Variants in TDRD6 observed in about 807,000 individuals in gnomAD.
TDRD6 encodes the protein tudor domain containing 6, also known as tudor domain-containing protein 6.
TDRD6 carries 186 observed loss-of-function variants against 157.5 expected under a neutral mutation model. The observed-to-expected ratio is 1.18, with a 90% confidence interval of 1.05 to 1.33. The LOEUF is 1.33. Ranked by LOEUF, TDRD6 falls within the 40% of genes most tolerant of loss-of-function variation. TDRD6 has a pLI of 0.00. For missense variants in TDRD6, 3,066 were observed against 2,508.0 expected (o/e 1.22, Z -4.75); for synonymous variants, 1,075 against 945.2 (o/e 1.14, Z -2.52).
upstream of TDRD6, among the ~76,000 whole-genome samples, chr6:46,683,523 A>T (rs1469312373): frequency 6.6e-6 from 1 of 152,074 alleles, no homozygotes; most frequent in Non-Finnish European, 1.5e-5. Flanking sequence ...TCTTCAAAAG[A>T]CACTATTTAA....
Position 46,693,972 on chromosome 6 carries a change from T to C in TDRD6, c.5844T>C (p.Ser1948=). 6.2e-7 allele frequency: 1 copy of C among 1,613,716 alleles called. No homozygotes were observed. The highest frequency in any genetic ancestry group is 8.5e-7 in the Non-Finnish European group (1 of 1,179,830). Residue 1948 remains serine, a synonymous_variant, in exon 1 of 4, where the codon TCT becomes TCC. Transcript: ENST00000316081. The part of the protein sequence containing the change: ...EDMRKSSCVE[S]FDDQRRMSLH... The stretch of plus-strand genomic sequence containing the variant: ...TGAGAAAGTCAAGTTGTGTAGAATC[T>C]TTTGATGACCAGCGCAGGATGTCAT...
chr6:46,688,214 C>A lies in TDRD6; in HGVS notation c.86C>A (p.Pro29Gln). The change falls in exon 1 of 4, where the codon CCG becomes CAG. Residue 29 changes from proline (P) to glutamine (Q), a missense_variant. Transcript: ENST00000316081. ...SFVDVHPDVI[P>Q]VQLWGLVGER... ...GTGGACGTGCATCCCGATGTGATCCCGGTGCAGCTGTGGGGGCTGGTGGGC... is the reference window on the plus strand; with the variant it reads ...GTGGACGTGCATCCCGATGTGATCCAGGTGCAGCTGTGGGGGCTGGTGGGC... 1 of 1,541,178 alleles carries A rather than the reference C, an allele frequency of 6.5e-7. No individual in the cohort carries two copies.
At chr6:46,686,936 G>C (rs995783942), upstream of TDRD6, among the ~76,000 whole-genome samples, 2 of 152,202 alleles carry the variant, frequency 1.3e-5, no homozygotes, top group East Asian at 3.8e-4. Context: ...AGTTAGGCCA[G>C]GGTCATTTGA....
At chr6:46,681,455 C>A in the TDRD6 span, 1 of 456,016 alleles carries the variant, frequency 2.2e-6, no homozygotes, top group South Asian at 1.6e-5. Context: ...TTTACCCACT[C>A]AAGTGTTTTA....
rs1416002418 is a variant in TDRD6 at position 46,688,626 on chromosome 6, G to A, written c.498G>A (p.Val166=). 2 of 1,599,174 alleles carry A rather than the reference G, an allele frequency of 1.3e-6. No homozygotes were observed. Among genetic ancestry groups the A allele is most frequent in the Non-Finnish European group, 8.5e-7 (1 of 1,179,844 alleles). ...DFLSNLQGKE[V]HGCVLDVLLL... ...TTAGCAACCTTCAGGGCAAGGAGGTGCACGGGTGCGTCCTGGACGTGCTGC... is the reference window on the plus strand; with the variant it reads ...TTAGCAACCTTCAGGGCAAGGAGGTACACGGGTGCGTCCTGGACGTGCTGC... Residue 166 remains valine (V), a synonymous_variant, in exon 1 of 4, where the codon GTG becomes GTA. Coordinates refer to ENST00000316081, the MANE Select transcript of TDRD6 (RefSeq NM_001010870.3).
chr6:46,685,145 C>T (rs1764061718), upstream of TDRD6, among the ~76,000 whole-genome samples: 1 of 150,770 alleles, frequency 6.6e-6, no homozygotes, highest in Non-Finnish European at 1.5e-5. Context: ...ATTTTTTTTA[C>T]TATTGAGTTT....
Position 46,690,541 on chromosome 6 carries a change from A to G in TDRD6, c.2413A>G (p.Ile805Val), listed in dbSNP as rs146289142. Residue 805 changes from isoleucine (I) to valine (V), a missense_variant, in exon 1 of 4, where the codon ATT (isoleucine) becomes GTT (valine). Transcript: ENST00000316081. ...IQGLKTLMSD[I>V]QYYCKNTAAP... Reference sequence around the variant, plus strand: ...AGGACTTAAAACTCTAATGTCTGATATTCAGTACTATTGCAAAAATACAGC... The same window carrying G: ...AGGACTTAAAACTCTAATGTCTGATGTTCAGTACTATTGCAAAAATACAGC... 6 of 1,614,080 alleles carry G rather than the reference A, an allele frequency of 3.7e-6. No homozygotes were observed. In the African/African-American group the frequency reaches 6.7e-5, roughly 18 times the overall value.
chr6:46,691,247 G>A lies in TDRD6; in HGVS notation c.3119G>A (p.Cys1040Tyr). Reference protein sequence around the residue: ...KTSPLNPGTLCLAKYTDGNWY... With the variant: ...KTSPLNPGTLYLAKYTDGNWY... ...TCTCCCTTGAACCCTGGAACCTTGTGCCTTGCCAAGTATACTGATGGAAAC... is the reference window on the plus strand; with the variant it reads ...TCTCCCTTGAACCCTGGAACCTTGTACCTTGCCAAGTATACTGATGGAAAC... Residue 1040 changes from cysteine to tyrosine, a missense_variant, in exon 1 of 4, where the codon TGC becomes TAC. Transcript: ENST00000316081. The A allele has an allele frequency of 6.2e-7, 1 of 1,614,072 alleles. No individual in the cohort carries two copies. The highest frequency in any genetic ancestry group is 1.1e-5 in the South Asian group (1 of 91,078).
chr6:46,685,175 A>G (rs1272223705), upstream of TDRD6, among the ~76,000 whole-genome samples: 1 of 151,954 alleles, frequency 6.6e-6, no homozygotes, highest in East Asian at 1.9e-4. Context: ...TTTATCTATT[A>G]TAGATACAAG....
At position 46,688,481 on chromosome 6, in the gene TDRD6, A is replaced by T. The variant is rs1287347470; in HGVS notation, c.353A>T (p.Glu118Val). 1 of 1,551,484 alleles carries T rather than the reference A, an allele frequency of 6.4e-7. No homozygotes were observed. The highest frequency in any genetic ancestry group is 1.2e-5 in the South Asian group (1 of 85,620). Reference protein sequence around the residue: ...GAGSLAPGRREFFNLPSEVLG... With the variant: ...GAGSLAPGRRVFFNLPSEVLG... ...GGCTCGCTGGCGCCTGGGCGCAGAG[A>T]GTTCTTCAATTTGCCCTCGGAAGTG... Residue 118 changes from glutamate (E) to valine (V), a missense_variant, in exon 1 of 4, where the codon GAG (glutamate) becomes GTG (valine). Glu to Val is a moderately radical substitution (Grantham distance 121). Transcript: ENST00000316081.
Position 46,688,120 on chromosome 6 carries a change from G to T in TDRD6, c.-9G>T. On this transcript the variant is annotated 5_prime_UTR_variant, in exon 1 of 4. Coordinates refer to ENST00000316081, the MANE Select transcript of TDRD6 (RefSeq NM_001010870.3). Reference sequence around the variant, plus strand: ...TTTCCGGAAGTGGGGGCCGCGCCGCGCCGTCAAGATGTGCTCGACGCCCGG... The same window carrying T: ...TTTCCGGAAGTGGGGGCCGCGCCGCTCCGTCAAGATGTGCTCGACGCCCGG... 1 of 1,501,316 alleles carries T rather than the reference G, an allele frequency of 6.7e-7. No homozygotes were observed. The highest frequency in any genetic ancestry group is 8.8e-7 in the Non-Finnish European group (1 of 1,134,420). The allele number at this position is 1,501,316 out of a possible 1,614,324, so 93.0% of individuals were successfully genotyped here. A position where few individuals can be genotyped will look rare whatever the true frequency, so the allele number is the denominator to read the frequency against.
the TDRD6 span, among the ~76,000 whole-genome samples, chr6:46,681,079 C>T: frequency 9.2e-5 from 14 of 152,318 alleles, no homozygotes; most frequent in Admixed American, 7.2e-4. Flanking sequence ...ATAGGAGCCA[C>T]TCTGAAGGTA....
In TDRD6 at chr6:46,696,557, G is replaced by A. The variant is rs1244039041; in HGVS notation, c.6171+612G>A. Among the ~76,000 whole-genome samples the A allele has an allele frequency of 3.0e-4, 17 of 57,016 alleles. No individual in the cohort carries two copies. In the East Asian group the frequency reaches 7.8e-3, roughly 26 times the overall value. The allele number at this position is 57,016 out of a possible 152,430, so 37.4% of individuals were successfully genotyped here. A position where few individuals can be genotyped will look rare whatever the true frequency, so the allele number is the denominator to read the frequency against. On this transcript the variant is annotated intron_variant, in intron 2 of 3. Coordinates refer to ENST00000316081, the MANE Select transcript of TDRD6 (RefSeq NM_001010870.3). The stretch of plus-strand genomic sequence containing the variant: ...TGTGTATATATATGTATATATGTGT[G>A]TGTGTGTGTGTGTGTGTGTGTGTGT...
chr6:46,687,912 T>G lies in TDRD6; in HGVS notation c.-217T>G, dbSNP rs1764148668. 4.6e-6 allele frequency: 3 copies of G among 647,814 alleles called. No homozygotes were observed. The highest frequency in any genetic ancestry group is 3.5e-5 in the East Asian group (1 of 28,278). 40.1% of individuals were successfully genotyped at this position (647,814 alleles called of 1,614,324 possible). ...GCCCGGAAGCGCGACCTCGGGCGGT[T>G]GGAGGGGCTACCGGGTCTTACCAGT... On this transcript the variant is annotated 5_prime_UTR_variant, in exon 1 of 4. Transcript: ENST00000316081.
intron 1 of TDRD6, among the ~76,000 whole-genome samples, chr6:46,695,183 A>G (rs190431665): frequency 3.9e-5 from 6 of 152,252 alleles, no homozygotes; most frequent in African/African-American, 7.2e-5. Flanking sequence ...GAAAATCAAC[A>G]AGAAGTGATC....
Position 46,688,265 on chromosome 6 carries a change from T to C in TDRD6, c.137T>C (p.Leu46Pro). The change falls in exon 1 of 4, where the codon CTG becomes CCG. Residue 46 changes from leucine to proline, a missense_variant. Leu to Pro is a moderately conservative substitution (Grantham distance 98). Transcript: ENST00000316081. ...GAGCGGCGGGGCGAGTACCTGCGGC[T>C]GAGCCGGGAAATCCAGGAAGCGGCG... ...VGERRGEYLRLSREIQEAAAT... is the reference protein window; with the variant it reads ...VGERRGEYLRPSREIQEAAAT... 6.6e-7 allele frequency: 1 copy of C among 1,506,896 alleles called. No individual in the cohort carries two copies. The highest frequency in any genetic ancestry group is 8.8e-7 in the Non-Finnish European group (1 of 1,135,654). The allele number at this position is 1,506,896 out of a possible 1,614,324, so 93.3% of individuals were successfully genotyped here.
At position 46,692,333 on chromosome 6, in the gene TDRD6, G is replaced by T. The variant is rs1764355576; in HGVS notation, c.4205G>T (p.Gly1402Val). Residue 1402 changes from glycine (G) to valine (V), a missense_variant, in exon 1 of 4, where the codon GGT becomes GTT. Transcript: ENST00000316081. ...TCTGTGGTTCATACTAACAAAATAGGTAGGCTTGACCTTGTTAATGCAATA... is the reference window on the plus strand; with the variant it reads ...TCTGTGGTTCATACTAACAAAATAGTTAGGCTTGACCTTGTTAATGCAATA... ...NVSVVHTNKIGRLDLVNAILP... is the reference protein window; with the variant it reads ...NVSVVHTNKIVRLDLVNAILP... The T allele has an allele frequency of 3.1e-6, 5 of 1,614,154 alleles. No homozygotes were observed. In the East Asian group the frequency reaches 1.1e-4, roughly 36 times the overall value.
At chr6:46,700,477 G>C (rs1764597245) in intron 3 of TDRD6, among the ~76,000 whole-genome samples, 2 of 151,800 alleles carry the variant, frequency 1.3e-5, no homozygotes, top group African/African-American at 4.8e-5. Flanking sequence ...TATGATCTAG[G>C]AATCTAATTA....
Position 46,690,023 on chromosome 6 carries a change from A to G in TDRD6, c.1895A>G (p.His632Arg), listed in dbSNP as rs146398415. Residue 632 changes from histidine (H) to arginine (R), a missense_variant, in exon 1 of 4, where the codon CAT becomes CGT. By Grantham distance (29) the His-to-Arg change is conservative. Transcript: ENST00000316081. ...KTVLHKELVI[H>R]ILDKQDHQYV... ...GTGCTCCACAAAGAATTAGTCATCCATATTCTTGATAAACAGGATCATCAA... is the reference window on the plus strand; with the variant it reads ...GTGCTCCACAAAGAATTAGTCATCCGTATTCTTGATAAACAGGATCATCAA... 2.2e-4 allele frequency: 355 copies of G among 1,613,932 alleles called. No homozygotes were observed. The highest frequency in any genetic ancestry group is 2.9e-4 in the Non-Finnish European group (342 of 1,179,984).
Sources: allele counts gnomAD v4.1 joint callset (sites outside exome capture counted in the v4.1 genomes callset), GRCh38; gene constraint gnomAD v4.1.1; transcripts MANE v1.5; gene names NCBI Gene and HGNC (gene_info 2026-07-23, HGNC 2026-07-21).